Variants in ANK1 observed in about 807,000 individuals in gnomAD.
ANK1 encodes the protein ankyrin-1.
Under a neutral mutation model 210.4 loss-of-function variants are expected in ANK1, and 51 were observed. The ratio of observed to expected loss-of-function variants is 0.24; its 90% CI spans 0.19 to 0.31. The LOEUF (loss-of-function observed/expected upper bound fraction) is 0.31. Among genes scored for constraint, ANK1 ranks in the 10% least tolerant of loss-of-function variants. The probability of loss-of-function intolerance (pLI) is 1.00; values close to 1 mark genes in which losing one functional copy is unlikely to be tolerated. For missense variants in ANK1, 2,051 were observed against 2,504.4 expected (o/e 0.82, Z 3.86); for synonymous variants, 967 against 1,025.9 (o/e 0.94, Z 1.10).
intron 3 of ANK1, among the ~76,000 whole-genome samples, chr8:41,732,895 G>A (rs1319288023): frequency 1.3e-5 from 2 of 151,776 alleles, no homozygotes; most frequent in Non-Finnish European, 1.5e-5. Context: ...CCGCCACCAC[G>A]CCCGGCTAAT....
intron 1 of ANK1, among the ~76,000 whole-genome samples, chr8:41,802,966 A>C (rs1587072639): frequency 8.1e-6 from 1 of 122,776 alleles, no homozygotes; most frequent in Non-Finnish European, 1.8e-5. Context: ...GGGGAGAGAG[A>C]GAGAGATGAA....
intron 1 of ANK1, among the ~76,000 whole-genome samples, chr8:41,758,597 C>A (rs1839752230): frequency 6.6e-6 from 1 of 152,140 alleles, no homozygotes; most frequent in Admixed American, 6.5e-5. Flanking sequence ...CCACCTTGGC[C>A]TCCCAAAGTG....
intron 1 of ANK1, among the ~76,000 whole-genome samples, chr8:41,795,879 G>A (rs967648278): frequency 3.3e-5 from 5 of 152,132 alleles, no homozygotes; most frequent in African/African-American, 7.2e-5. Flanking sequence ...CAACAATACC[G>A]TGTACATTTC....
chr8:41,820,303 G>A (rs1176198062), intron 1 of ANK1, among the ~76,000 whole-genome samples: 6 of 137,696 alleles, frequency 4.4e-5, no homozygotes, highest in Non-Finnish European at 9.7e-5. Context: ...GAGATTGCAG[G>A]TGTCCACCAC....
chr8:41,832,033 A>G (rs542689238), intron 1 of ANK1, among the ~76,000 whole-genome samples: 44 of 152,280 alleles, frequency 2.9e-4, no homozygotes, highest in African/African-American at 1.0e-3. Flanking sequence ...GGATTTGCCT[A>G]CTGAGGGGCA....
chr8:41,720,132 C>T (rs1586432016), intron 9 of ANK1, among the ~76,000 whole-genome samples: 1 of 152,228 alleles, frequency 6.6e-6, no homozygotes, highest in African/African-American at 2.4e-5. Context: ...TGTGGGCTTT[C>T]CTTATCTGCA....
chr8:41,758,774 C>T (rs1380335605), intron 1 of ANK1, among the ~76,000 whole-genome samples: 1 of 152,148 alleles, frequency 6.6e-6, no homozygotes, highest in Non-Finnish European at 1.5e-5. Context: ...TTCAGGGGCT[C>T]CACAGTCTTG....
chr8:41,749,034 C>CAA (rs55642051), intron 2 of ANK1, among the ~76,000 whole-genome samples: 2,039 of 143,160 alleles, frequency 0.014, 14 homozygotes, highest in Middle Eastern at 0.028. Context: ...GACTCCATCT[C>CAA]AAAAAAAAAA....
At chr8:41,748,018 G>A (rs1019574747) in intron 2 of ANK1, among the ~76,000 whole-genome samples, 2 of 152,154 alleles carry the variant, frequency 1.3e-5, no homozygotes, top group African/African-American at 2.4e-5. Context: ...CCTGGGCTCT[G>A]AGACTCTTCA....
chr8:41,712,214 C>T (rs977183622), intron 16 of ANK1, among the ~76,000 whole-genome samples: 2 of 152,158 alleles, frequency 1.3e-5, no homozygotes, highest in African/African-American at 2.4e-5. Context: ...CTTGAGCCAC[C>T]GTGCCCGGCC....
intron 36 of ANK1, among the ~76,000 whole-genome samples, chr8:41,685,645 ATTTTTT>A (rs11305585): frequency 6.6e-6 from 1 of 151,802 alleles, no homozygotes; most frequent in Non-Finnish European, 1.5e-5. Context: ...TTTTTATGTT[ATTTTTT>A]TTAGAGTCAG....
chr8:41,861,710 C>T (rs1350294651), intron 1 of ANK1, among the ~76,000 whole-genome samples: 1 of 152,230 alleles, frequency 6.6e-6, no homozygotes, highest in East Asian at 1.9e-4. Flanking sequence ...GAAACGAGCG[C>T]AGGAGCGAAC....
intron 1 of ANK1, among the ~76,000 whole-genome samples, chr8:41,835,407 G>A (rs538283899): frequency 2.0e-5 from 3 of 152,178 alleles, no homozygotes; most frequent in Admixed American, 6.5e-5. Flanking sequence ...AGCTGAGATC[G>A]TATTATTGCA....
intron 1 of ANK1, among the ~76,000 whole-genome samples, chr8:41,782,568 C>G (rs943281080): frequency 6.6e-6 from 1 of 152,182 alleles, no homozygotes; most frequent in Non-Finnish European, 1.5e-5. Flanking sequence ...ATTGTAGAGC[C>G]CTCCGTGCCC....
chr8:41,828,672 C>T (rs2150795611), intron 1 of ANK1: 1 of 154,220 alleles, frequency 6.5e-6, no homozygotes, highest in South Asian at 2.0e-4. Flanking sequence ...CTGGTTCGCA[C>T]TACAATGACC....
intron 16 of ANK1, among the ~76,000 whole-genome samples, chr8:41,711,931 C>CT (rs201109622): frequency 0.041 from 6,059 of 147,428 alleles, 198 homozygotes; most frequent in African/African-American, 0.094. Context: ...ATTAGGCCAT[C>CT]TTTTTTTTTT....
At chr8:41,842,466 C>G (rs973760695) in intron 1 of ANK1, among the ~76,000 whole-genome samples, 10 of 151,930 alleles carry the variant, frequency 6.6e-5, no homozygotes, top group African/African-American at 2.4e-4. Context: ...GCCCTCCAGC[C>G]CAGGCAACAG....
rs1334547516 is a variant in ANK1, at chr8:41,888,122, G to A, written c.126+8233C>T. 3.3e-5 allele frequency among the ~76,000 whole-genome samples: 5 copies of A among 152,176 alleles called. No individual in the cohort carries two copies. The South Asian group carries it at 8.3e-4, about 25-fold the overall frequency. On this transcript the variant is annotated intron_variant, in intron 1 of 42. Coordinates refer to the ANK1 transcript ENST00000265709. Reference sequence around the variant, plus strand: ...AAGCCCCGCAGCTGCCCCTGCTATCGAAGATGTTTTCTATGAGCTCTCTCC... The same window carrying A: ...AAGCCCCGCAGCTGCCCCTGCTATCAAAGATGTTTTCTATGAGCTCTCTCC...
At chr8:41,663,813 G>T in intron 39 of ANK1, 71 bp from the exon 40 acceptor site, 1 of 1,249,460 alleles carries the variant, frequency 8.0e-7, no homozygotes, top group Non-Finnish European at 1.2e-6. Context: ...GGAGGACGAG[G>T]AAATGAAACA....
Sources: allele counts gnomAD v4.1 joint callset (sites outside exome capture counted in the v4.1 genomes callset), GRCh38; gene constraint gnomAD v4.1.1; transcripts MANE v1.5; gene names NCBI Gene and HGNC (gene_info 2026-07-23, HGNC 2026-07-21).